The following SLC14A2 variants were observed in gnomAD, a reference collection of about 807,000 sequenced individuals.
The protein encoded by SLC14A2 is solute carrier family 14 member 2.
SLC14A2 carries 91 observed loss-of-function variants against 104.6 expected under a neutral mutation model. The ratio of observed to expected loss-of-function variants is 0.87; its 90% CI spans 0.73 to 1.04. The LOEUF (loss-of-function observed/expected upper bound fraction) is 1.04, where lower values mean the gene tolerates loss of function less well. Among genes scored for constraint, SLC14A2 ranks in the 50% least tolerant of loss-of-function variants. SLC14A2 has a pLI of 0.00. For missense variants in SLC14A2, 1,189 were observed against 1,156.0 expected, an observed-to-expected ratio of 1.03 and a Z score of -0.41; for synonymous variants, 476 against 466.4, an observed-to-expected ratio of 1.02 and a Z score of -0.27.
intron 1 of SLC14A2, among the ~76,000 whole-genome samples, chr18:45,400,784 T>C (rs2086087489): frequency 6.6e-6 from 1 of 152,214 alleles, no homozygotes; most frequent in South Asian, 2.1e-4. Flanking sequence ...ATTCATTTGT[T>C]TGTTTATATC....
chr18:45,386,273 A>C (rs972695387), intron 1 of SLC14A2, among the ~76,000 whole-genome samples: 4 of 152,188 alleles, frequency 2.6e-5, no homozygotes, highest in African/African-American at 9.7e-5. Context: ...CTGAAGGGTC[A>C]AATGTCTCAT....
At chr18:45,419,319 G>C (rs1171516719) in intron 1 of SLC14A2, among the ~76,000 whole-genome samples, 1 of 152,142 alleles carries the variant, frequency 6.6e-6, no homozygotes, top group African/African-American at 2.4e-5. Flanking sequence ...TTCTGCTAAG[G>C]GGTATGATGT....
intron 1 of SLC14A2, among the ~76,000 whole-genome samples, chr18:45,621,129 G>A (rs187020974): frequency 5.3e-5 from 8 of 152,298 alleles, no homozygotes; most frequent in Admixed American, 2.6e-4. Flanking sequence ...TTTACCAAGG[G>A]CCAGGGATGC....
intron 1 of SLC14A2, among the ~76,000 whole-genome samples, chr18:45,273,737 C>A (rs1277435586): frequency 6.6e-6 from 1 of 152,128 alleles, no homozygotes; most frequent in Non-Finnish European, 1.5e-5. Context: ...GAAAAACAAG[C>A]TGAATCCAAT....
chr18:45,363,170 T>A (rs1217418182), intron 1 of SLC14A2, among the ~76,000 whole-genome samples: 1 of 152,156 alleles, frequency 6.6e-6, no homozygotes, highest in East Asian at 1.9e-4. Context: ...AGTCCCTTTT[T>A]ATCGCTTCCA....
In SLC14A2 at chr18:45,630,615, G is replaced by A. The variant is rs535686604; in HGVS notation, c.522-1735G>A. ...TCTGGAGGGACACTCTCCACAGGGT[G>A]GGACAGCTATTGGTATTAAAACAAA... On this transcript the variant is annotated intron_variant, in intron 4 of 19. Transcript: ENST00000255226. Among the ~76,000 whole-genome samples, 404 of 152,268 alleles carry A rather than the reference G, an allele frequency of 2.7e-3. 1 individual carries two copies. Among genetic ancestry groups the A allele is most frequent in the African/African-American group, 9.4e-3 (391 of 41,548 alleles).
intron 1 of SLC14A2, among the ~76,000 whole-genome samples, chr18:45,377,367 T>C (rs1028340632): frequency 6.6e-6 from 1 of 152,136 alleles, no homozygotes; most frequent in Admixed American, 6.5e-5. Context: ...TGTATAACAT[T>C]GGCATCTACT....
intron 2 of SLC14A2, among the ~76,000 whole-genome samples, chr18:45,553,337 T>A (rs946215824): frequency 6.6e-6 from 1 of 152,210 alleles, no homozygotes. Context: ...CCACTGAAGC[T>A]TTGCTTCCCT....
At chr18:45,352,981 T>C (rs2085517539) in intron 1 of SLC14A2, among the ~76,000 whole-genome samples, 1 of 152,078 alleles carries the variant, frequency 6.6e-6, no homozygotes, top group East Asian at 1.9e-4. Context: ...AAATCAAAAG[T>C]GAGGTACAGA....
chr18:45,178,330 G>A, the SLC14A2 span, among the ~76,000 whole-genome samples: 2 of 152,174 alleles, frequency 1.3e-5, no homozygotes, highest in Admixed American at 6.6e-5. Flanking sequence ...AGTCATATTA[G>A]GAAGGAAAGT....
chr18:45,541,049 TA>T (rs773208396), intron 2 of SLC14A2, among the ~76,000 whole-genome samples: 1 of 152,156 alleles, frequency 6.6e-6, no homozygotes, highest in Non-Finnish European at 1.5e-5. Flanking sequence ...CAGGATGCCT[TA>T]AGCACAAGAG....
intron 1 of SLC14A2, among the ~76,000 whole-genome samples, chr18:45,285,664 C>G (rs1489397281): frequency 9.0e-5 from 6 of 66,674 alleles, no homozygotes; most frequent in South Asian, 5.7e-4. Context: ...GTGATCTGCC[C>G]CCCCCCCCCC....
chr18:45,290,168 C>T (rs902817435), intron 1 of SLC14A2, among the ~76,000 whole-genome samples: 1 of 152,034 alleles, frequency 6.6e-6, no homozygotes, highest in African/African-American at 2.4e-5. Context: ...AAGTATATTG[C>T]GTGACACTGA....
At chr18:45,392,764 G>A (rs1381709092) in intron 1 of SLC14A2, among the ~76,000 whole-genome samples, 1 of 152,182 alleles carries the variant, frequency 6.6e-6, no homozygotes, top group Non-Finnish European at 1.5e-5. Flanking sequence ...TGTTTTAAGA[G>A]CACATTTGTT....
rs539923708 is a variant in SLC14A2 at position 45,458,489 on chromosome 18, C to A, written c.-124-24744C>A. On this transcript the variant is annotated intron_variant, in intron 1 of 20. Transcript: ENST00000586448. Reference sequence around the variant, plus strand: ...TCCTTCCGGCTGTGTGGGCTCCACACTCCCAAATCTCTCTACTCCCACACT... The same window carrying A: ...TCCTTCCGGCTGTGTGGGCTCCACAATCCCAAATCTCTCTACTCCCACACT... Among the ~76,000 whole-genome samples the A allele has an allele frequency of 1.3e-3, 200 of 152,250 alleles. 1 individual carries two copies. Among genetic ancestry groups the A allele is most frequent in the African/African-American group, 4.4e-3 (184 of 41,542 alleles).
At chr18:45,666,899 A>G (rs1436028554) in intron 12 of SLC14A2, 36 bp from the exon 13 acceptor site, 2 of 1,591,944 alleles carry the variant, frequency 1.3e-6, no homozygotes, top group Non-Finnish European at 1.7e-6. Flanking sequence ...GAACCACCGA[A>G]TGTGGGAGAC....
At chr18:45,413,902 C>T (rs1178203739) in intron 1 of SLC14A2, among the ~76,000 whole-genome samples, 1 of 151,750 alleles carries the variant, frequency 6.6e-6, no homozygotes, top group Non-Finnish European at 1.5e-5. Flanking sequence ...TGAGATCATA[C>T]AGGTAAATAT....
chr18:45,264,047 CTT>C (rs2084566790), intron 1 of SLC14A2, among the ~76,000 whole-genome samples: 1 of 152,142 alleles, frequency 6.6e-6, no homozygotes, highest in Non-Finnish European at 1.5e-5. Context: ...TGTGCACTAT[CTT>C]TTCTATCTAT....
chr18:45,624,134 G>C (rs937419707), intron 1 of SLC14A2, among the ~76,000 whole-genome samples: 4 of 152,188 alleles, frequency 2.6e-5, no homozygotes, highest in African/African-American at 9.6e-5. Context: ...GGAAGGGAAA[G>C]AGGGAAGGAG....
Sources: allele counts gnomAD v4.1 joint callset (sites outside exome capture counted in the v4.1 genomes callset), GRCh38; gene constraint gnomAD v4.1.1; transcripts MANE v1.5; gene names NCBI Gene and HGNC (gene_info 2026-07-23, HGNC 2026-07-21).